Variants in ZCWPW2 observed in about 807,000 individuals in gnomAD.
ZCWPW2 encodes the protein zinc finger CW-type PWWP domain protein 2.
In ZCWPW2, 45 loss-of-function variants were observed where a neutral mutation model predicts 46.6. The observed-to-expected ratio is 0.96, with a 90% CI of 0.76 to 1.24. The LOEUF (loss-of-function observed/expected upper bound fraction) is 1.24, where lower values mean the gene tolerates loss of function less well. Ranked by LOEUF, ZCWPW2 falls within the 50% of genes most tolerant of loss-of-function variation. ZCWPW2 has a pLI of 0.00. For missense variants in ZCWPW2, 429 were observed against 403.9 expected, an observed-to-expected ratio of 1.06 and a Z score of -0.53; for synonymous variants, 152 against 137.1, an observed-to-expected ratio of 1.11 and a Z score of -0.76.
intron 5 of ZCWPW2, among the ~76,000 whole-genome samples, chr3:28,483,367 C>G (rs960298557): frequency 2.4e-4 from 37 of 152,052 alleles, no homozygotes; most frequent in African/African-American, 8.0e-4. Context: ...TTGCCAATAC[C>G]ACACTGTATT....
chr3:28,470,389 C>T (rs543169400), intron 4 of ZCWPW2, among the ~76,000 whole-genome samples: 3 of 150,740 alleles, frequency 2.0e-5, no homozygotes, highest in Admixed American at 1.3e-4. Flanking sequence ...CCCAGCTATT[C>T]GGGAGGCTAA....
At chr3:28,518,628 CA>C (rs1700642124) in intron 8 of ZCWPW2, among the ~76,000 whole-genome samples, 1 of 152,164 alleles carries the variant, frequency 6.6e-6, no homozygotes, top group African/African-American at 2.4e-5. Context: ...CACTTGAAAA[CA>C]GAGAGCCTAC....
chr3:28,474,135 A>G (rs76094972), intron 4 of ZCWPW2, among the ~76,000 whole-genome samples: 2,356 of 152,332 alleles, frequency 0.015, 67 homozygotes, highest in African/African-American at 0.054. Context: ...TATGTAACCC[A>G]TAAGTATATA....
chr3:28,472,837 T>C (rs781063603), intron 4 of ZCWPW2, among the ~76,000 whole-genome samples: 22 of 151,592 alleles, frequency 1.5e-4, no homozygotes, highest in Non-Finnish European at 2.8e-4. Flanking sequence ...GACAAGGGAC[T>C]AATAACCAGA....
intron 6 of ZCWPW2, among the ~76,000 whole-genome samples, chr3:28,506,468 T>C (rs1700281969): frequency 6.6e-6 from 1 of 151,786 alleles, no homozygotes; most frequent in Non-Finnish European, 1.5e-5. Flanking sequence ...TATGCAACAG[T>C]AGTGAGAGAG....
chr3:28,460,927 G>T, intron 4 of ZCWPW2: 1 of 211,420 alleles, frequency 4.7e-6, no homozygotes, highest in Admixed American at 4.8e-5. Context: ...AACATTTAGT[G>T]GTGATGCAGT....
At position 28,460,604 on chromosome 3, in the gene ZCWPW2, G is replaced by A. The variant is rs147759123; in HGVS notation, c.493-18210G>A. 2.6e-3 allele frequency among the ~76,000 whole-genome samples: 392 copies of A among 152,224 alleles called. 1 individual carries two copies. The highest frequency in any genetic ancestry group is 8.6e-3 in the African/African-American group (356 of 41,550). On this transcript the variant is annotated intron_variant, in intron 4 of 9. Transcript: ENST00000383768. ...TCTCTGATGCACATGGGTATAATGT[G>A]GCAATCTTCCAGTTTGTATCAAAGG... is the stretch of plus-strand genomic sequence containing the variant.
chr3:28,411,298 GA>G (rs1436472456), intron 2 of ZCWPW2, among the ~76,000 whole-genome samples: 29 of 151,680 alleles, frequency 1.9e-4, no homozygotes, highest in Admixed American at 6.6e-4. Flanking sequence ...AGTATATGCA[GA>G]AAAGAATTTG....
chr3:28,428,228 G>C (rs1034154684), intron 3 of ZCWPW2: 5 of 152,300 alleles, frequency 3.3e-5, no homozygotes, highest in Admixed American at 3.3e-4. Context: ...AGGTCCTGAC[G>C]CTACAATTGA....
At chr3:28,447,440 G>A (rs1238267289) in intron 4 of ZCWPW2, among the ~76,000 whole-genome samples, 1 of 151,220 alleles carries the variant, frequency 6.6e-6, no homozygotes, top group Non-Finnish European at 1.5e-5. Flanking sequence ...TATTTGACAA[G>A]ATGCAACAAC....
chr3:28,500,128 G>A (rs1241060121), intron 6 of ZCWPW2, among the ~76,000 whole-genome samples: 1 of 151,966 alleles, frequency 6.6e-6, no homozygotes, highest in Non-Finnish European at 1.5e-5. Flanking sequence ...ACAATTCCCA[G>A]TAGAAGGATT....
intron 5 of ZCWPW2, among the ~76,000 whole-genome samples, chr3:28,487,013 T>G (rs1030270275): frequency 6.6e-6 from 1 of 151,630 alleles, no homozygotes; most frequent in Non-Finnish European, 1.5e-5. Context: ...TATTGGTAAG[T>G]TTTTTTTTCT....
At position 28,413,230 on chromosome 3, in the gene ZCWPW2, T is replaced by G; in HGVS notation, c.162T>G (p.His54Gln). 7 of 1,613,360 alleles carry G rather than the reference T, an allele frequency of 4.3e-6. No individual in the cohort carries two copies. The highest frequency in any genetic ancestry group is 5.9e-6 in the Non-Finnish European group (7 of 1,179,512). Residue 54 changes from histidine (H) to glutamine (Q), a missense_variant, in exon 3 of 10, where the codon CAT (histidine) becomes CAG (glutamine). Coordinates refer to ENST00000383768, the MANE Select transcript of ZCWPW2 (RefSeq NM_001040432.4). ...LSSEDSAKVD[H>Q]DEPWYCFMNT... ...GTGAGGATTCAGCCAAGGTTGATCA[T>G]GATGAACCATGGTACTGCTTCATGA...
chr3:28,442,114 C>A (rs1040956624), intron 4 of ZCWPW2, among the ~76,000 whole-genome samples: 1 of 152,204 alleles, frequency 6.6e-6, no homozygotes, highest in African/African-American at 2.4e-5. Context: ...GGACCACACT[C>A]AAAACTGAGA....
chr3:28,426,291 T>A (rs1697008460), intron 3 of ZCWPW2, among the ~76,000 whole-genome samples: 1 of 151,464 alleles, frequency 6.6e-6, no homozygotes, highest in Admixed American at 6.6e-5. Flanking sequence ...CTAGGAAGAG[T>A]CTGGACTCTT....
At chr3:28,374,630 G>A (rs1287311954) in intron 1 of ZCWPW2, among the ~76,000 whole-genome samples, 3 of 151,860 alleles carry the variant, frequency 2.0e-5, no homozygotes, top group African/African-American at 2.4e-5. Flanking sequence ...TTCATTTTTT[G>A]TATGTTCTTT....
intron 4 of ZCWPW2, among the ~76,000 whole-genome samples, chr3:28,443,378 A>G (rs1050122491): frequency 1.3e-5 from 2 of 152,132 alleles, no homozygotes; most frequent in Non-Finnish European, 2.9e-5. Context: ...CCCTTCATTC[A>G]AGTGGTTCTG....
chr3:28,372,162 C>T (rs1705357659), intron 1 of ZCWPW2, among the ~76,000 whole-genome samples: 1 of 151,930 alleles, frequency 6.6e-6, no homozygotes, highest in South Asian at 2.1e-4. Context: ...ATTCATACTA[C>T]CATAATTATA....
Position 28,525,521 on chromosome 3 carries a change from C to T in ZCWPW2, c.*833C>T, listed in dbSNP as rs527979341. On this transcript the variant is annotated 3_prime_UTR_variant, in exon 10 of 10. Transcript: ENST00000383768. Reference sequence around the variant, plus strand: ...CCTGCTCTATCTCTTTCTGGTGGTACGGGGTGGGGAAAAGGGCATTCCAAG... The same window carrying T: ...CCTGCTCTATCTCTTTCTGGTGGTATGGGGTGGGGAAAAGGGCATTCCAAG... 2.0e-4 allele frequency among the ~76,000 whole-genome samples: 30 copies of T among 151,692 alleles called. No homozygotes were observed. In the South Asian group the frequency reaches 4.6e-3, roughly 23 times the overall value.
Sources: allele counts gnomAD v4.1 joint callset (sites outside exome capture counted in the v4.1 genomes callset), GRCh38; gene constraint gnomAD v4.1.1; transcripts MANE v1.5; gene names NCBI Gene and HGNC (gene_info 2026-07-23, HGNC 2026-07-21).